TAOK1: variants seen among roughly 807,000 people sequenced by gnomAD.
TAOK1 encodes TAO kinase 1, also known as serine/threonine-protein kinase TAO1.
In TAOK1, 21 loss-of-function variants were observed where a neutral mutation model predicts 138.3. That is an observed-to-expected ratio of 0.15 (90% CI 0.11 to 0.22). TAOK1 has a LOEUF of 0.22. TAOK1 is among the 10% of genes least tolerant of loss of function. The pLI, the probability that TAOK1 is intolerant of heterozygous loss-of-function variation, is 1.00. For missense variants in TAOK1, 651 were observed against 1,227.7 expected (o/e 0.53, Z 7.02); for synonymous variants, 361 against 398.4 (o/e 0.91, Z 1.12).
intron 1 of TAOK1, among the ~76,000 whole-genome samples, chr17:29,436,219 C>CA (rs1165138750): frequency 6.6e-6 from 1 of 152,030 alleles, no homozygotes; most frequent in African/African-American, 2.4e-5. Flanking sequence ...TTAGAGGCAC[C>CA]AGGCGGAGAG....
chr17:29,478,286 G>A lies in TAOK1; in HGVS notation c.388G>A (p.Ala130Thr), dbSNP rs1278856727. The change falls in exon 6 of 20, where the codon GCA (alanine) becomes ACA (threonine). Residue 130 changes from alanine (A) to threonine (T), a missense_variant. By Grantham distance (58) the Ala-to-Thr change is moderately conservative. Transcript: ENST00000261716. Reference protein sequence around the residue: ...KKPLQEVEIAAITHGALQGLA... With the variant: ...KKPLQEVEIATITHGALQGLA... ...GCCATTACAAGAAGTGGAAATAGCA[G>A]CAATTACACATGGTGCTCTTCAGGG... The A allele has an allele frequency of 6.2e-7, 1 of 1,600,910 alleles. No homozygotes were observed.
intron 9 of TAOK1, among the ~76,000 whole-genome samples, chr17:29,490,379 G>A (rs931279424): frequency 6.6e-6 from 1 of 152,108 alleles, no homozygotes; most frequent in Non-Finnish European, 1.5e-5. Flanking sequence ...GTATAAAACT[G>A]TAGTAGAAAA....
intron 1 of TAOK1, among the ~76,000 whole-genome samples, chr17:29,414,342 TG>T (rs1175504654): frequency 6.7e-6 from 1 of 150,222 alleles, no homozygotes; most frequent in Non-Finnish European, 1.5e-5. Context: ...CTCCACCTCC[TG>T]GGTTCAAATG....
At chr17:29,495,462 G>T (rs1293790580) in intron 10 of TAOK1, 98 bp from the exon 11 acceptor site, 1 of 935,402 alleles carries the variant, frequency 1.1e-6, no homozygotes, top group East Asian at 2.6e-5. Context: ...TAGATTACAT[G>T]CATTATCTAT....
chr17:29,411,185 G>A lies in TAOK1; in HGVS notation c.-95+20161G>A, dbSNP rs1413876080. Among the ~76,000 whole-genome samples, 10 of 136,842 alleles carry A rather than the reference G, an allele frequency of 7.3e-5. No individual in the cohort carries two copies. In the East Asian group the frequency reaches 1.9e-3, roughly 26 times the overall value. The allele number at this position is 136,842 out of a possible 152,430, so 89.8% of individuals were successfully genotyped here. On this transcript the variant is annotated intron_variant, in intron 1 of 19. Transcript: ENST00000261716. ...CGGCTCACTGCAAGCTCCGCCTTCC[G>A]GGTTCACGCCATTCTCCTGCCTCAG...
intron 1 of TAOK1, among the ~76,000 whole-genome samples, chr17:29,449,711 C>G (rs557531604): frequency 2.0e-5 from 3 of 151,698 alleles, no homozygotes; most frequent in Non-Finnish European, 4.4e-5. Flanking sequence ...GGCGGTGGTG[C>G]GTGCCTGTAG....
At chr17:29,401,640 C>T (rs923653199) in intron 1 of TAOK1, among the ~76,000 whole-genome samples, 2 of 148,110 alleles carry the variant, frequency 1.4e-5, no homozygotes, top group African/African-American at 2.5e-5. Context: ...AGAGCCAAAC[C>T]ATATCACTTT....
intron 1 of TAOK1, among the ~76,000 whole-genome samples, chr17:29,409,104 TTCTTTC>T (rs1905074743): frequency 1.3e-5 from 2 of 152,136 alleles, no homozygotes; most frequent in East Asian, 1.9e-4. Flanking sequence ...TGTGTTTTGC[TTCTTTC>T]TCTTGGCATA....
Position 29,478,354 on chromosome 17 carries a change from G to C in TAOK1, c.449+7G>C. 2 of 1,548,748 alleles carry C rather than the reference G, an allele frequency of 1.3e-6. No homozygotes were observed. Among genetic ancestry groups the C allele is most frequent in the Non-Finnish European group, 1.7e-6 (2 of 1,150,424 alleles). ...CTCATACTATGATTCATAGGTAAGTGCTTTGGAAATTATATATTGATAAGT... is the reference window on the plus strand; with the variant it reads ...CTCATACTATGATTCATAGGTAAGTCCTTTGGAAATTATATATTGATAAGT... On this transcript the variant is annotated splice_region_variant and intron_variant, in intron 6 of 19. Coordinates refer to ENST00000261716, the MANE Select transcript of TAOK1 (RefSeq NM_020791.4).
chr17:29,392,141 G>C (rs966725475), intron 1 of TAOK1, among the ~76,000 whole-genome samples: 2 of 152,114 alleles, frequency 1.3e-5, no homozygotes, highest in South Asian at 2.1e-4. Context: ...GCTTGAACCC[G>C]GGAGGCGGAG....
At chr17:29,528,839 C>CAAAAAA (rs58073512) in intron 17 of TAOK1, among the ~76,000 whole-genome samples, 35 of 69,420 alleles carry the variant, frequency 5.0e-4, no homozygotes, top group Non-Finnish European at 5.3e-4. Flanking sequence ...GACTCCGTCT[C>CAAAAAA]AAAAAAAAAA....
chr17:29,507,984 A>G lies in TAOK1; in HGVS notation c.1427A>G (p.Lys476Arg). The change falls in exon 14 of 20, where the codon AAG (lysine) becomes AGG (arginine). Residue 476 changes from lysine (K) to arginine (R), a missense_variant. Around this residue, in one of 8 missense-constraint regions of TAOK1, gnomAD observed 258 missense variants for 548.9 expected, o/e 0.47. Transcript: ENST00000261716. ...AAGCGAATGAGGCGACAACATCAAAAGCAACTGATGACTCTGGAAAACAAG... is the reference window on the plus strand; with the variant it reads ...AAGCGAATGAGGCGACAACATCAAAGGCAACTGATGACTCTGGAAAACAAG... Reference protein sequence around the residue: ...GYKRMRRQHQKQLMTLENKLK... With the variant: ...GYKRMRRQHQRQLMTLENKLK... 6.2e-7 allele frequency: 1 copy of G among 1,614,164 alleles called. No homozygotes were observed. Among genetic ancestry groups the G allele is most frequent in the Admixed American group, 1.7e-5 (1 of 60,028 alleles).
chr17:29,548,150 C>T lies in TAOK1; in HGVS notation c.*5128C>T, dbSNP rs1178198987. Reference sequence around the variant, plus strand: ...TTCCTCCTTGTTTGTATTCAGATTTCCAAAATTTCACTCATACAAGGGAAG... The same window carrying T: ...TTCCTCCTTGTTTGTATTCAGATTTTCAAAATTTCACTCATACAAGGGAAG... On this transcript the variant is annotated 3_prime_UTR_variant, in exon 20 of 20. Coordinates refer to ENST00000261716, the MANE Select transcript of TAOK1 (RefSeq NM_020791.4). The T allele has an allele frequency of 6.6e-6, 1 of 152,034 alleles. No homozygotes were observed. Among genetic ancestry groups the T allele is most frequent in the Non-Finnish European group, 1.5e-5 (1 of 67,972 alleles). The allele number at this position is 152,034 out of a possible 1,614,324, so 9.4% of individuals were successfully genotyped here.
chr17:29,492,747 G>A (rs905585316), intron 10 of TAOK1, among the ~76,000 whole-genome samples: 11 of 152,102 alleles, frequency 7.2e-5, no homozygotes, highest in African/African-American at 2.7e-4. Flanking sequence ...AGCCGAGATT[G>A]CACCATTGCA....
chr17:29,517,056 A>C (rs2031829775), intron 15 of TAOK1, among the ~76,000 whole-genome samples: 1 of 149,900 alleles, frequency 6.7e-6, no homozygotes, highest in African/African-American at 2.5e-5. Flanking sequence ...GCGAGATCTC[A>C]GCTCACTGCA....
chr17:29,472,400 G>A (rs1343778984), intron 3 of TAOK1, among the ~76,000 whole-genome samples: 1 of 151,390 alleles, frequency 6.6e-6, no homozygotes, highest in Non-Finnish European at 1.5e-5. Flanking sequence ...TTATAGGCCT[G>A]CATCCCCATG....
chr17:29,480,308 C>G, intron 6 of TAOK1, 60 bp from the exon 7 acceptor site: 1 of 1,187,016 alleles, frequency 8.4e-7, no homozygotes. Flanking sequence ...TTATTTTTAT[C>G]GTTTTAAACA....
intron 18 of TAOK1, among the ~76,000 whole-genome samples, chr17:29,531,212 C>A (rs1166791644): frequency 6.6e-6 from 1 of 151,546 alleles, no homozygotes; most frequent in Non-Finnish European, 1.5e-5. Context: ...CGTGATCCGC[C>A]CGCCTCGGCC....
chr17:29,527,966 G>A (rs529216135), intron 17 of TAOK1, among the ~76,000 whole-genome samples: 2 of 152,214 alleles, frequency 1.3e-5, no homozygotes, highest in Admixed American at 6.5e-5. Flanking sequence ...GTTACCCCAC[G>A]AAGAGGATTG....
Sources: allele counts gnomAD v4.1 joint callset (sites outside exome capture counted in the v4.1 genomes callset), GRCh38; gene constraint gnomAD v4.1.1; regional missense constraint gnomAD v4.1.1; transcripts MANE v1.5; gene names NCBI Gene and HGNC (gene_info 2026-07-23, HGNC 2026-07-21).